Variants in FAM186B observed in about 807,000 individuals in gnomAD.
FAM186B encodes protein FAM186B.
A neutral mutation model predicts 83.4 loss-of-function variants in FAM186B; 68 were observed. The observed-to-expected ratio is 0.81, with a 90% CI of 0.67 to 1.00. The LOEUF (loss-of-function observed/expected upper bound fraction) is 1.00. Ranked by LOEUF, FAM186B falls within the 50% of genes least tolerant of loss-of-function variation. FAM186B has a pLI of 0.00. For synonymous variants in FAM186B, 389 were observed against 422.0 expected, an observed-to-expected ratio of 0.92 and a Z score of 0.96; for missense variants, 983 against 1,099.2, an observed-to-expected ratio of 0.89 and a Z score of 1.49.
chr12:49,605,324 C>T (rs2138314408), intron 1 of FAM186B, 58 bp downstream of exon 1: 1 of 1,569,268 alleles, frequency 6.4e-7, no homozygotes, highest in Non-Finnish European at 8.6e-7. Flanking sequence ...CTGGGATCAG[C>T]CCCCAGTCTC....
At position 49,599,644 on chromosome 12, in the gene FAM186B, T is replaced by G. The variant is rs1162013262; in HGVS notation, c.1996A>C (p.Met666Leu). 6.2e-7 allele frequency: 1 copy of G among 1,607,392 alleles called. No homozygotes were observed. The highest frequency in any genetic ancestry group is 2.2e-5 in the East Asian group (1 of 44,846). The change falls in exon 4 of 7, where the codon ATG (methionine) becomes CTG (leucine). Residue 666 changes from methionine to leucine, a missense_variant. By Grantham distance (15) the Met-to-Leu change is conservative. Transcript: ENST00000257894. Reference sequence around the variant, plus strand: ...TGCAGGTTCTTCCTCTGGGCCTCCATGTCCATGTGGTACACCTTCTTCTTA... The same window carrying G: ...TGCAGGTTCTTCCTCTGGGCCTCCAGGTCCATGTGGTACACCTTCTTCTTA... ...NIKKKVYHMD[M>L]EAQRKNLQLL...
chr12:49,593,358 G>C (rs1045288824), intron 5 of FAM186B: 1 of 152,240 alleles, frequency 6.6e-6, no homozygotes, highest in Non-Finnish European at 1.5e-5. Flanking sequence ...AAACGGCCGG[G>C]TGTGGGTGGC....
At chr12:49,611,532 C>CTG in the FAM186B span, among the ~76,000 whole-genome samples, 1 of 148,140 alleles carries the variant, frequency 6.8e-6, no homozygotes, top group East Asian at 2.0e-4. Context: ...TCAGCCTGGG[C>CTG]AACAGAGCAA....
downstream of FAM186B, among the ~76,000 whole-genome samples, chr12:49,586,875 C>T (rs1311831396): frequency 6.6e-6 from 1 of 152,158 alleles, no homozygotes; most frequent in African/African-American, 2.4e-5. Context: ...ACTGAGGTCT[C>T]CAGTTGGAGG....
At chr12:49,619,964 G>A in the FAM186B span, among the ~76,000 whole-genome samples, 1 of 151,972 alleles carries the variant, frequency 6.6e-6, no homozygotes, top group Non-Finnish European at 1.5e-5. Context: ...ACAGGCATGA[G>A]CCACCGCGTC....
At chr12:49,605,158 C>CG (rs1052007334) in intron 1 of FAM186B, 2 of 1,367,492 alleles carry the variant, frequency 1.5e-6, no homozygotes, top group African/African-American at 1.5e-5. Context: ...GCCCCCTTCC[C>CG]GGGCCCCAGC....
the FAM186B span, among the ~76,000 whole-genome samples, chr12:49,615,529 G>A: frequency 2.6e-5 from 4 of 152,170 alleles, no homozygotes; most frequent in African/African-American, 7.2e-5. Context: ...AATGGCTTAC[G>A]CCTGTAATCC....
chr12:49,586,612 T>C (rs1939448566), downstream of FAM186B, among the ~76,000 whole-genome samples: 1 of 152,198 alleles, frequency 6.6e-6, no homozygotes, highest in South Asian at 2.1e-4. Flanking sequence ...CAGGCCCCAG[T>C]TGACCACTGG....
upstream of FAM186B, among the ~76,000 whole-genome samples, chr12:49,610,564 G>T (rs902780546): frequency 1.3e-5 from 2 of 152,172 alleles, no homozygotes; most frequent in Non-Finnish European, 2.9e-5. Context: ...GCCGAGGCGG[G>T]CGGATCATGA....
chr12:49,600,240 C>A lies in FAM186B; in HGVS notation c.1400G>T (p.Ser467Ile). 6.2e-7 allele frequency: 1 copy of A among 1,613,538 alleles called. No homozygotes were observed. Among genetic ancestry groups the A allele is most frequent in the Non-Finnish European group, 8.5e-7 (1 of 1,179,610 alleles). ...GCTCTCAGAGGTCACCTGCCTGGAG[C>A]TCTCTAGAGACAGCTGCTTGCTACA... ...FHCSKQLSLE[S>I]SRQVTSESQE... The change falls in exon 4 of 7, where the codon AGC (serine) becomes ATC (isoleucine). Residue 467 changes from serine (S) to isoleucine (I), a missense_variant. Physicochemically the swap from Ser to Ile is moderately radical, Grantham distance 142. Coordinates refer to ENST00000257894, the MANE Select transcript of FAM186B (RefSeq NM_032130.3). This position sits in a 1 kb window ranked among gnomAD's most constrained non-coding sequence, Gnocchi z 4.3.
At position 49,599,674 on chromosome 12, in the gene FAM186B, T is replaced by C. The variant is rs776072671; in HGVS notation, c.1966A>G (p.Asn656Asp). ...ATGTGGTACACCTTCTTCTTAATAT[T>C]TGCAGGGGATATCTGCAAAGAGGGC... ...TWPSLQISPA[N>D]IKKKVYHMDM... The change falls in exon 4 of 7, where the codon AAT becomes GAT. Residue 656 changes from asparagine to aspartate, a missense_variant. Transcript: ENST00000257894. The C allele has an allele frequency of 1.9e-5, 31 of 1,606,728 alleles. 1 individual carries two copies. In the South Asian group the frequency reaches 3.4e-4, roughly 18 times the overall value.
Position 49,593,104 on chromosome 12 carries a change from G to A in FAM186B, c.2365-4481C>T, listed in dbSNP as rs1939620243. ...AACCCAATTTAAATATAGAGACACA[G>A]TGCTCACTTCGGTAGCACATATACT... On this transcript the variant is annotated intron_variant, in intron 5 of 6. Transcript: ENST00000257894. 4 of 152,184 alleles carry A rather than the reference G, an allele frequency of 2.6e-5. No individual in the cohort carries two copies. In the South Asian group the frequency reaches 8.3e-4, roughly 32 times the overall value. The allele number at this position is 152,184 out of a possible 1,614,324, so 9.4% of individuals were successfully genotyped here. A position where few individuals can be genotyped will look rare whatever the true frequency, so the allele number is the denominator to read the frequency against.
At chr12:49,611,345 C>A in the FAM186B span, among the ~76,000 whole-genome samples, 1 of 152,016 alleles carries the variant, frequency 6.6e-6, no homozygotes, top group East Asian at 1.9e-4. Context: ...TGCACTCCAG[C>A]CTGGACGACT....
At chr12:49,599,197 A>AT (rs1269622644) in intron 4 of FAM186B, among the ~76,000 whole-genome samples, 1 of 152,118 alleles carries the variant, frequency 6.6e-6, no homozygotes, top group Non-Finnish European at 1.5e-5. Flanking sequence ...AGACAGGGCC[A>AT]TGGGAAGAGA....
At chr12:49,603,122 TC>T (rs1939930858) in intron 3 of FAM186B, 62 bp downstream of exon 3, 1 of 1,571,906 alleles carries the variant, frequency 6.4e-7, no homozygotes, top group Non-Finnish European at 8.7e-7. Flanking sequence ...GCCTCTGACT[TC>T]CCCTGCCATG....
chr12:49,600,664 C>T lies in FAM186B; in HGVS notation c.976G>A (p.Gly326Ser). The T allele has an allele frequency of 1.9e-6, 3 of 1,614,146 alleles. No individual in the cohort carries two copies. Among genetic ancestry groups the T allele is most frequent in the Non-Finnish European group, 2.5e-6 (3 of 1,180,018 alleles). Residue 326 changes from glycine (G) to serine (S), a missense_variant, in exon 4 of 7, where the codon GGT becomes AGT. Transcript: ENST00000257894. This position sits in a 1 kb window ranked among gnomAD's most constrained non-coding sequence, Gnocchi z 4.3. Reference protein sequence around the residue: ...FQLKKAQNATGQAEDLAEVSV... With the variant: ...FQLKKAQNATSQAEDLAEVSV... ...ACCTCAGCCAGGTCTTCTGCCTGAC[C>T]TGTAGCATTCTGAGCCTTCTTCAGC...
At position 49,603,377 on chromosome 12, in the gene FAM186B, G is replaced by A; in HGVS notation, c.323-10C>T. ...TAGGTCAGAGTGTCACCTGGAGAAG[G>A]GATGGGAGGTGCAGGCTGAGAGCAG... On this transcript the variant is annotated splice_polypyrimidine_tract_variant and intron_variant, in intron 2 of 6. Transcript: ENST00000257894. 1 of 1,614,000 alleles carries A rather than the reference G, an allele frequency of 6.2e-7. No homozygotes were observed. Among genetic ancestry groups the A allele is most frequent in the African/African-American group, 1.3e-5 (1 of 75,036 alleles).
At chr12:49,616,555 A>G in the FAM186B span, among the ~76,000 whole-genome samples, 4 of 152,222 alleles carry the variant, frequency 2.6e-5, no homozygotes, top group African/African-American at 9.7e-5. Flanking sequence ...GGAATGAACT[A>G]CTGACACATG....
rs1424800974 is a variant in FAM186B, at chr12:49,603,316, G to A, written c.374C>T (p.Ala125Val). 1 of 1,614,210 alleles carries A rather than the reference G, an allele frequency of 6.2e-7. No homozygotes were observed. The highest frequency in any genetic ancestry group is 8.5e-7 in the Non-Finnish European group (1 of 1,180,038). ...CACTTCAATCCATTCGTCCAGAGCT[G>A]CTGCTTCCTCTTCACTCTTCCTGGG... ...IGPRKSEEEA[A>V]ALDEWIEVTE... The change falls in exon 3 of 7, where the codon GCA (alanine) becomes GTA (valine). Residue 125 changes from alanine to valine, a missense_variant. By Grantham distance (64) the Ala-to-Val change is moderately conservative. Transcript: ENST00000257894.
Sources: gnomAD v4.1 joint callset for allele counts (sites outside exome capture counted in the v4.1 genomes callset) on GRCh38, gnomAD v4.1.1 for gene constraint, Gnocchi (gnomAD v3.1) non-coding constraint, MANE v1.5 for transcripts, NCBI Gene and HGNC (gene_info 2026-07-23, HGNC 2026-07-21) for gene names.